Variants in ERBIN observed in about 807,000 individuals in gnomAD.
ERBIN encodes the protein erbb2 interacting protein, also known as densin-180-like protein.
Under a neutral mutation model 158.4 loss-of-function variants are expected in ERBIN, and 60 were observed. That is an observed-to-expected ratio of 0.38 (90% CI 0.31 to 0.47). ERBIN has a LOEUF of 0.47. Ranked by LOEUF, ERBIN falls within the 20% of genes least tolerant of loss-of-function variation. ERBIN has a pLI of 0.99. For missense variants in ERBIN, 1,610 were observed against 1,648.0 expected, an observed-to-expected ratio of 0.98 and a Z score of 0.40; for synonymous variants, 594 against 557.2, an observed-to-expected ratio of 1.07 and a Z score of -0.93.
intron 1 of ERBIN, among the ~76,000 whole-genome samples, chr5:65,979,210 T>G (rs934601468): frequency 2.6e-5 from 4 of 152,108 alleles, no homozygotes; most frequent in African/African-American, 9.7e-5. Context: ...GAGGATTGCT[T>G]TAGCCCAGGA....
chr5:66,029,371 G>A (rs1580400473), intron 14 of ERBIN, among the ~76,000 whole-genome samples: 2 of 152,242 alleles, frequency 1.3e-5, no homozygotes, highest in South Asian at 4.1e-4. Flanking sequence ...TTTATTTAAA[G>A]CTGTATTTTC....
rs551042939 is a variant in ERBIN at position 66,009,912 on chromosome 5, A to T, written c.308-2137A>T. Among the ~76,000 whole-genome samples the T allele has an allele frequency of 3.6e-4, 55 of 152,342 alleles. 1 individual carries two copies. Among genetic ancestry groups the T allele is most frequent in the South Asian group, 2.5e-3 (12 of 4,830 alleles). ...CCAAAATCAATGTAAGAAGTAGAAA[A>T]CTGAAAAGACCAGGGAATGCAACAT... On this transcript the variant is annotated intron_variant, in intron 4 of 25. Coordinates refer to ENST00000284037, the MANE Select transcript of ERBIN (RefSeq NM_001253697.2).
chr5:65,977,245 G>GGGA (rs1750034885), intron 1 of ERBIN, among the ~76,000 whole-genome samples: 1 of 146,892 alleles, frequency 6.8e-6, no homozygotes, highest in Non-Finnish European at 1.5e-5. Flanking sequence ...CGGGCGGGGG[G>GGGA]CTGACCCCCC....
At chr5:66,050,601 A>G (rs1358092518) in intron 19 of ERBIN, among the ~76,000 whole-genome samples, 182 bp from the exon 20 acceptor site, 1 of 152,054 alleles carries the variant, frequency 6.6e-6, no homozygotes, top group Non-Finnish European at 1.5e-5. Flanking sequence ...TTATATCACC[A>G]TCTAAAAATT....
chr5:66,005,544 C>A (rs944102654), intron 4 of ERBIN, among the ~76,000 whole-genome samples: 2 of 151,916 alleles, frequency 1.3e-5, no homozygotes, highest in African/African-American at 4.8e-5. Flanking sequence ...AAAGAATGAG[C>A]CCTGGTTGGG....
intron 21 of ERBIN, among the ~76,000 whole-genome samples, chr5:66,061,166 T>C (rs1005739310): frequency 1.4e-4 from 21 of 152,172 alleles, no homozygotes; most frequent in Non-Finnish European, 2.4e-4. Context: ...CCCATTATTA[T>C]TGTGTGGGAG....
intron 1 of ERBIN, among the ~76,000 whole-genome samples, chr5:65,985,420 A>G (rs917103211): frequency 6.6e-6 from 1 of 152,230 alleles, no homozygotes; most frequent in African/African-American, 2.4e-5. Flanking sequence ...AGAATTTTGA[A>G]TTTTATACTG....
chr5:65,991,680 C>G (rs980291306), intron 2 of ERBIN, among the ~76,000 whole-genome samples: 1 of 152,038 alleles, frequency 6.6e-6, no homozygotes, highest in Non-Finnish European at 1.5e-5. Flanking sequence ...ATAATCTTAG[C>G]CTAGTTAGAA....
chr5:66,026,174 G>T, intron 12 of ERBIN, 128 bp from the exon 13 acceptor site: 1 of 696,446 alleles, frequency 1.4e-6, no homozygotes, highest in Non-Finnish European at 2.2e-6. Flanking sequence ...TAATTAAAAA[G>T]AAAGTCTAGT....
chr5:66,076,660 A>C, intron 24 of ERBIN: 1 of 600,930 alleles, frequency 1.7e-6, no homozygotes, highest in Non-Finnish European at 2.9e-6. Context: ...TCACACACCT[A>C]TAAAAGTAAT....
chr5:65,950,487 A>G (rs1014569853), intron 1 of ERBIN, among the ~76,000 whole-genome samples: 9 of 152,238 alleles, frequency 5.9e-5, no homozygotes, highest in African/African-American at 1.9e-4. Flanking sequence ...TTTTCTTACC[A>G]TATCAAGAAA....
intron 4 of ERBIN, among the ~76,000 whole-genome samples, chr5:65,995,712 G>C (rs569713174): frequency 6.6e-6 from 1 of 152,154 alleles, no homozygotes; most frequent in Non-Finnish European, 1.5e-5. Context: ...TTCCATAGCA[G>C]CTATACTAAT....
intron 4 of ERBIN, among the ~76,000 whole-genome samples, chr5:66,000,559 GA>G (rs1361978660): frequency 6.6e-6 from 1 of 152,098 alleles, no homozygotes; most frequent in Non-Finnish European, 1.5e-5. Context: ...AAAGATTTAG[GA>G]AAAGTACTTA....
intron 14 of ERBIN, among the ~76,000 whole-genome samples, chr5:66,031,414 T>C (rs2151170489): frequency 6.6e-6 from 1 of 152,344 alleles, no homozygotes; most frequent in South Asian, 2.1e-4. Flanking sequence ...GTTACTTTAA[T>C]ACAATGTGGT....
At chr5:66,001,373 TATTC>T (rs1347179242) in intron 4 of ERBIN, among the ~76,000 whole-genome samples, 2 of 152,170 alleles carry the variant, frequency 1.3e-5, no homozygotes, top group African/African-American at 4.8e-5. Flanking sequence ...CATACTTTGT[TATTC>T]ATCATATCAT....
intron 20 of ERBIN, among the ~76,000 whole-genome samples, chr5:66,051,509 GA>G (rs988047290): frequency 1.3e-5 from 2 of 150,864 alleles, no homozygotes; most frequent in East Asian, 1.9e-4. Flanking sequence ...GGTTTGAAAA[GA>G]AAAAAAAAGA....
intron 1 of ERBIN, among the ~76,000 whole-genome samples, chr5:65,984,387 G>C (rs1750985681): frequency 6.6e-6 from 1 of 152,174 alleles, no homozygotes. Context: ...CGTTTCCCCT[G>C]CTGGCTGCAA....
intron 21 of ERBIN, among the ~76,000 whole-genome samples, chr5:66,060,055 A>C (rs963200355): frequency 2.0e-5 from 3 of 152,146 alleles, no homozygotes; most frequent in Non-Finnish European, 4.4e-5. Context: ...GGCCTCATAA[A>C]ATGAGTTAGG....
chr5:66,024,606 G>T (rs1756041211), intron 10 of ERBIN, among the ~76,000 whole-genome samples, 156 bp downstream of exon 10: 1 of 152,058 alleles, frequency 6.6e-6, no homozygotes, highest in African/African-American at 2.4e-5. Flanking sequence ...TGTACAGTTT[G>T]CTCCTTTGTT....
Sources: allele counts gnomAD v4.1 joint callset (sites outside exome capture counted in the v4.1 genomes callset), GRCh38; gene constraint gnomAD v4.1.1; transcripts MANE v1.5; gene names NCBI Gene and HGNC (gene_info 2026-07-23, HGNC 2026-07-21).